WWOX: variants seen among roughly 807,000 people sequenced by gnomAD.
The protein encoded by WWOX is WW domain containing oxidoreductase.
Under a neutral mutation model 46.2 loss-of-function variants are expected in WWOX, and 69 were observed. That is an observed-to-expected ratio of 1.49 (90% confidence interval 1.23 to 1.82). The LOEUF (loss-of-function observed/expected upper bound fraction) is 1.82. WWOX is among the 40% of genes most tolerant of loss of function. The pLI, the probability that WWOX is intolerant of heterozygous loss-of-function variation, is 0.00. For missense variants in WWOX, 919 were observed against 542.6 expected (o/e 1.69, Z -6.89); for synonymous variants, 359 against 202.6 (o/e 1.77, Z -6.56).
chr16:79,211,479 GCTATGCC>G, intron 8 of WWOX, 122 bp from the exon 9 acceptor site: 1 of 1,193,754 alleles, frequency 8.4e-7, no homozygotes, highest in Non-Finnish European at 1.2e-6. Context: ...AGTACCCTTT[GCTATGCC>G]AAGATCCAGC....
At chr16:78,510,506 C>T (rs2085337266) in intron 8 of WWOX, among the ~76,000 whole-genome samples, 2 of 152,118 alleles carry the variant, frequency 1.3e-5, no homozygotes, top group African/African-American at 4.8e-5. Flanking sequence ...AGCCACCGTG[C>T]CGGCCACTTT....
rs1205217181 is a variant in WWOX at position 78,348,705 on chromosome 16, G to A, written c.517-38155G>A. On this transcript the variant is annotated intron_variant, in intron 5 of 8. Transcript: ENST00000566780. The stretch of plus-strand genomic sequence containing the variant: ...ACTCCTGAGCTCAAGAGATCCACCC[G>A]CCTCTGCCTCCCAAAGTGCTAGGAT... Among the ~76,000 whole-genome samples, 5 of 120,886 alleles carry A rather than the reference G, an allele frequency of 4.1e-5. 1 individual carries two copies. Among genetic ancestry groups the A allele is most frequent in the Non-Finnish European group, 9.9e-5 (5 of 50,614 alleles). The allele number at this position is 120,886 out of a possible 152,430, so 79.3% of individuals were successfully genotyped here.
chr16:78,232,028 T>A (rs181287853), intron 5 of WWOX, among the ~76,000 whole-genome samples: 2 of 152,304 alleles, frequency 1.3e-5, no homozygotes, highest in Admixed American at 1.3e-4. Context: ...GGCAAGTTCC[T>A]TTTTATCATT....
In WWOX at chr16:78,261,788, C is replaced by CTAGAGATATATA. The variant is rs1491587303; in HGVS notation, c.516+97501_516+97502insGAGATATATATA. Among the ~76,000 whole-genome samples, 619 of 73,704 alleles carry CTAGAGATATATA rather than the reference C, an allele frequency of 8.4e-3. 10 individuals carry two copies. Among genetic ancestry groups the CTAGAGATATATA allele is most frequent in the African/African-American group, 0.032 (553 of 17,420 alleles). 48.4% of individuals were successfully genotyped at this position (73,704 alleles called of 152,430 possible). A position where few individuals can be genotyped will look rare whatever the true frequency, so the allele number is the denominator to read the frequency against. ...TCTATCTATGTATCTATCTATCTATCTATATATATATATATATATATATAT... is the reference window on the plus strand; with the variant it reads ...TCTATCTATGTATCTATCTATCTATCTAGAGATATATATATATATATATATATATATATATAT... On this transcript the variant is annotated intron_variant, in intron 5 of 8. Coordinates refer to ENST00000566780, the MANE Select transcript of WWOX (RefSeq NM_016373.4).
intron 8 of WWOX, among the ~76,000 whole-genome samples, chr16:78,468,572 T>TA (rs2084141076): frequency 6.6e-6 from 1 of 152,170 alleles, no homozygotes; most frequent in Admixed American, 6.5e-5. Context: ...GCTTGATAGT[T>TA]ACAGGGAGTG....
chr16:78,743,944 A>C (rs1195366770), intron 8 of WWOX, among the ~76,000 whole-genome samples: 5 of 152,086 alleles, frequency 3.3e-5, no homozygotes, highest in Admixed American at 1.3e-4. Flanking sequence ...CACCGTTTGG[A>C]GTGTACTTTC....
intron 8 of WWOX, chr16:78,552,880 T>A (rs1370910922): frequency 1.3e-5 from 2 of 152,238 alleles, no homozygotes; most frequent in East Asian, 3.9e-4. Flanking sequence ...AAAGATGGTT[T>A]GTTACTCACA....
At chr16:78,111,938 A>T (rs2032513820) in intron 3 of WWOX, 1 of 155,588 alleles carries the variant, frequency 6.4e-6, no homozygotes. Flanking sequence ...CACTTAGAAG[A>T]TTCACCCTCC....
At chr16:78,505,397 G>T (rs997294694) in intron 8 of WWOX, among the ~76,000 whole-genome samples, 1 of 152,206 alleles carries the variant, frequency 6.6e-6, no homozygotes, top group Admixed American at 6.5e-5. Flanking sequence ...TCTGAGTGGG[G>T]CTCAGGACAC....
intron 8 of WWOX, among the ~76,000 whole-genome samples, chr16:78,819,791 A>G (rs1369578222): frequency 6.6e-6 from 1 of 152,226 alleles, no homozygotes; most frequent in East Asian, 1.9e-4. Flanking sequence ...TTTCATCCGT[A>G]AACAAAGCTT....
intron 8 of WWOX, among the ~76,000 whole-genome samples, chr16:79,012,670 C>T (rs1327404159): frequency 1.3e-5 from 2 of 152,172 alleles, no homozygotes; most frequent in Non-Finnish European, 2.9e-5. Flanking sequence ...GAACAAATAT[C>T]CAGGCAGAAT....
At chr16:78,714,178 C>G (rs1254671641) in intron 8 of WWOX, among the ~76,000 whole-genome samples, 3 of 152,084 alleles carry the variant, frequency 2.0e-5, no homozygotes, top group Non-Finnish European at 4.4e-5. Flanking sequence ...ACATATATGT[C>G]CTATATTAGT....
chr16:78,903,653 G>T (rs1312833214), intron 8 of WWOX, among the ~76,000 whole-genome samples: 6 of 152,112 alleles, frequency 3.9e-5, no homozygotes, highest in Non-Finnish European at 7.4e-5. Context: ...TAGATTCCCT[G>T]CCTGCAGATT....
chr16:78,456,886 T>C (rs1262930020), intron 8 of WWOX, among the ~76,000 whole-genome samples: 2 of 152,246 alleles, frequency 1.3e-5, no homozygotes, highest in Non-Finnish European at 1.5e-5. Flanking sequence ...GATGGAACTA[T>C]CAAATTAGTT....
chr16:78,949,478 G>C (rs1263937974), intron 8 of WWOX, among the ~76,000 whole-genome samples: 1 of 152,136 alleles, frequency 6.6e-6, no homozygotes, highest in African/African-American at 2.4e-5. Context: ...TCAGCTCCCT[G>C]CATTCAATAG....
chr16:78,101,027 C>T (rs1434903033), intron 1 of WWOX, among the ~76,000 whole-genome samples: 3 of 151,764 alleles, frequency 2.0e-5, no homozygotes, highest in Non-Finnish European at 2.9e-5. Flanking sequence ...TTTTTCTGGG[C>T]CCCACTTCCA....
chr16:79,019,529 G>T (rs993212093), intron 8 of WWOX, among the ~76,000 whole-genome samples: 4 of 152,060 alleles, frequency 2.6e-5, no homozygotes, highest in Non-Finnish European at 5.9e-5. Flanking sequence ...GTCTGTCATT[G>T]ACTGAAAGTT....
At chr16:79,077,681 G>A (rs887554513) in intron 8 of WWOX, among the ~76,000 whole-genome samples, 7 of 147,098 alleles carry the variant, frequency 4.8e-5, no homozygotes, top group Non-Finnish European at 7.4e-5. Flanking sequence ...TACATCTCTC[G>A]TAGCATCTAA....
intron 8 of WWOX, among the ~76,000 whole-genome samples, chr16:78,952,622 G>T (rs2046084577): frequency 1.3e-5 from 2 of 152,058 alleles, no homozygotes; most frequent in Admixed American, 1.3e-4. Flanking sequence ...GGCCTCAAGT[G>T]ATCTGTCCAC....
Sources: gnomAD v4.1 joint callset for allele counts (sites outside exome capture counted in the v4.1 genomes callset) on GRCh38, gnomAD v4.1.1 for gene constraint, MANE v1.5 for transcripts, NCBI Gene and HGNC (gene_info 2026-07-23, HGNC 2026-07-21) for gene names.